Variants in IMMP2L observed in about 807,000 individuals in gnomAD.
IMMP2L encodes inner mitochondrial membrane peptidase subunit 2.
A neutral mutation model predicts 19.3 loss-of-function variants in IMMP2L; 18 were observed. The ratio of observed to expected loss-of-function variants is 0.93; its 90% CI spans 0.64 to 1.38. IMMP2L has a LOEUF of 1.38. Ranked by LOEUF, IMMP2L falls within the 40% of genes most tolerant of loss-of-function variation. IMMP2L has a pLI of 0.00. For synonymous variants in IMMP2L, 76 were observed against 73.0 expected, an observed-to-expected ratio of 1.04 and a Z score of -0.21; for missense variants, 233 against 218.2, an observed-to-expected ratio of 1.07 and a Z score of -0.43.
At chr7:110,771,251 T>A (rs1321187478) in intron 5 of IMMP2L, among the ~76,000 whole-genome samples, 1 of 151,990 alleles carries the variant, frequency 6.6e-6, no homozygotes, top group African/African-American at 2.4e-5. Flanking sequence ...CTGAGGAGGA[T>A]CAAGTCACAC....
chr7:110,923,631 A>T (rs1814536583), intron 4 of IMMP2L, among the ~76,000 whole-genome samples: 2 of 152,200 alleles, frequency 1.3e-5, no homozygotes, highest in Non-Finnish European at 2.9e-5. Flanking sequence ...ATATTTAAGC[A>T]TTACTTTTTC....
At chr7:111,215,773 A>G (rs1368282790) in intron 3 of IMMP2L, among the ~76,000 whole-genome samples, 1 of 152,120 alleles carries the variant, frequency 6.6e-6, no homozygotes, top group East Asian at 1.9e-4. Context: ...TTTCTAATAT[A>G]AACCTGAGGC....
chr7:111,112,512 T>C (rs961018039), intron 3 of IMMP2L, among the ~76,000 whole-genome samples: 8 of 152,146 alleles, frequency 5.3e-5, no homozygotes, highest in Non-Finnish European at 8.8e-5. Flanking sequence ...GCCATAAATA[T>C]GGCCTCCATG....
At chr7:111,203,569 C>CTTT (rs199683002) in intron 3 of IMMP2L, among the ~76,000 whole-genome samples, 20 of 127,804 alleles carry the variant, frequency 1.6e-4, no homozygotes, top group African/African-American at 4.7e-4. Flanking sequence ...TATACTGGTT[C>CTTT]TTTTTTTTTT....
chr7:110,879,702 G>C (rs1420720369), intron 5 of IMMP2L, among the ~76,000 whole-genome samples: 2 of 152,106 alleles, frequency 1.3e-5, no homozygotes, highest in Non-Finnish European at 2.9e-5. Context: ...TAGTTCTGCA[G>C]ATTCCTCTTG....
At chr7:110,769,672 CA>C (rs1302334379) in intron 5 of IMMP2L, among the ~76,000 whole-genome samples, 1 of 152,038 alleles carries the variant, frequency 6.6e-6, no homozygotes, top group East Asian at 1.9e-4. Flanking sequence ...CTATTCTGAT[CA>C]CCACTTAACA....
intron 5 of IMMP2L, among the ~76,000 whole-genome samples, chr7:110,769,000 T>A (rs1798857961): frequency 1.3e-5 from 2 of 152,170 alleles, no homozygotes; most frequent in Admixed American, 1.3e-4. Flanking sequence ...TGTGCTTAAA[T>A]TTTTTGTTAA....
chr7:111,331,790 A>G (rs1454151205), intron 3 of IMMP2L, among the ~76,000 whole-genome samples: 1 of 151,914 alleles, frequency 6.6e-6, no homozygotes, highest in African/African-American at 2.4e-5. Flanking sequence ...AAGGATTTGT[A>G]TATAGCCAAG....
chr7:111,511,981 T>G (rs1378528085), intron 2 of IMMP2L, among the ~76,000 whole-genome samples: 1 of 152,072 alleles, frequency 6.6e-6, no homozygotes, highest in African/African-American at 2.4e-5. Flanking sequence ...AGCAATTTCT[T>G]TAGAAGTTAA....
At chr7:110,695,960 G>A (rs1793846696) in intron 5 of IMMP2L, among the ~76,000 whole-genome samples, 1 of 152,218 alleles carries the variant, frequency 6.6e-6, no homozygotes, top group Non-Finnish European at 1.5e-5. Context: ...GACTTTCAGA[G>A]GACGGCCTTT....
intron 3 of IMMP2L, among the ~76,000 whole-genome samples, chr7:111,018,790 A>T (rs1409370310): frequency 5.6e-3 from 37 of 6,632 alleles, no homozygotes; most frequent in African/African-American, 0.028. Flanking sequence ...GTGTCTTTTT[A>T]TTATTATTAT....
intron 3 of IMMP2L, among the ~76,000 whole-genome samples, chr7:111,294,591 C>A (rs1421092687): frequency 1.3e-5 from 2 of 151,728 alleles, no homozygotes; most frequent in Admixed American, 1.3e-4. Flanking sequence ...TTTTGAGCAA[C>A]CGTGGCAACA....
At position 111,376,957 on chromosome 7, in the gene IMMP2L, G is replaced by C. The variant is rs560682553; in HGVS notation, c.239+110281C>G. Among the ~76,000 whole-genome samples the C allele has an allele frequency of 1.1e-4, 17 of 152,028 alleles. 2 individuals are homozygous for C. In the South Asian group the frequency reaches 3.5e-3, roughly 32 times the overall value. On this transcript the variant is annotated intron_variant, in intron 3 of 5. Transcript: ENST00000405709. ...GGTTTTCTTTGAGGGTAATACAAAT[G>C]TTCTAAAATTATTCTGATGAATGTA...
chr7:110,696,977 G>C (rs548411402), intron 5 of IMMP2L, among the ~76,000 whole-genome samples: 6 of 152,138 alleles, frequency 3.9e-5, no homozygotes, highest in Non-Finnish European at 8.8e-5. Context: ...AGAAGTGCAG[G>C]AGACATCCTT....
chr7:110,878,327 A>G (rs1809283022), intron 5 of IMMP2L, among the ~76,000 whole-genome samples: 1 of 152,158 alleles, frequency 6.6e-6, no homozygotes, highest in South Asian at 2.1e-4. Context: ...CCTCAAACCT[A>G]TGAATAGATT....
chr7:111,029,107 C>A (rs978207385), intron 3 of IMMP2L, among the ~76,000 whole-genome samples: 1 of 152,138 alleles, frequency 6.6e-6, no homozygotes, highest in African/African-American at 2.4e-5. Flanking sequence ...AGTTATAAAT[C>A]AGCTGTCATG....
At chr7:111,172,476 T>A (rs1002296652) in intron 3 of IMMP2L, among the ~76,000 whole-genome samples, 2 of 151,582 alleles carry the variant, frequency 1.3e-5, no homozygotes, top group African/African-American at 4.8e-5. Context: ...CTCAAACATT[T>A]ACCATTTCTT....
chr7:110,875,485 T>C (rs944589336), intron 5 of IMMP2L, among the ~76,000 whole-genome samples: 1 of 152,114 alleles, frequency 6.6e-6, no homozygotes, highest in Admixed American at 6.6e-5. Flanking sequence ...TTGACTAGAG[T>C]CTACATAATT....
intron 2 of IMMP2L, among the ~76,000 whole-genome samples, chr7:111,491,479 A>G (rs1380687180): frequency 6.6e-6 from 1 of 152,034 alleles, no homozygotes; most frequent in Non-Finnish European, 1.5e-5. Flanking sequence ...TCTATTATTG[A>G]TATTTCTACA....
Sources: allele counts gnomAD v4.1 joint callset (sites outside exome capture counted in the v4.1 genomes callset), GRCh38; gene constraint gnomAD v4.1.1; transcripts MANE v1.5; gene names NCBI Gene and HGNC (gene_info 2026-07-23, HGNC 2026-07-21).